GREM2: variants seen among roughly 807,000 people sequenced by gnomAD.
GREM2 encodes gremlin-2.
GREM2 carries 11 observed loss-of-function variants against 14.2 expected under a neutral mutation model. The observed-to-expected ratio is 0.78, with a 90% CI of 0.49 to 1.28. The LOEUF is 1.28. Among genes scored for constraint, GREM2 ranks in the 50% most tolerant of loss-of-function variants. The probability of loss-of-function intolerance (pLI) is 0.00; values close to 1 mark genes in which losing one functional copy is unlikely to be tolerated. For synonymous variants in GREM2, 98 were observed against 97.6 expected (o/e 1.00, Z -0.02); for missense variants, 210 against 218.5 (o/e 0.96, Z 0.24).
At chr1:240,604,231 G>A (rs1168722896) in intron 1 of GREM2, among the ~76,000 whole-genome samples, 2 of 151,860 alleles carry the variant, frequency 1.3e-5, no homozygotes, top group East Asian at 3.9e-4. Flanking sequence ...CCTACCTCCA[G>A]TATTGGGGGT....
intron 1 of GREM2, among the ~76,000 whole-genome samples, chr1:240,544,227 A>G (rs779660791): frequency 2.5e-4 from 37 of 149,366 alleles, no homozygotes; most frequent in Non-Finnish European, 4.7e-4. Flanking sequence ...GGCTCACTGT[A>G]AGTTCCGCCT....
At chr1:240,494,589 G>A (rs574840815) in intron 1 of GREM2, among the ~76,000 whole-genome samples, 2 of 152,174 alleles carry the variant, frequency 1.3e-5, no homozygotes, top group Non-Finnish European at 1.5e-5. Flanking sequence ...ATTCAAATGA[G>A]TCATAAATTA....
chr1:240,557,197 A>C (rs971110280), intron 1 of GREM2, among the ~76,000 whole-genome samples: 1 of 151,502 alleles, frequency 6.6e-6, no homozygotes, highest in African/African-American at 2.4e-5. Flanking sequence ...ATAAATATAA[A>C]AATTAAGATA....
At chr1:240,605,102 G>T (rs1309639888) in intron 1 of GREM2, among the ~76,000 whole-genome samples, 1 of 152,102 alleles carries the variant, frequency 6.6e-6, no homozygotes, top group Admixed American at 6.5e-5. Flanking sequence ...GTGAGGTCCC[G>T]TTCCAGCCAA....
chr1:240,585,154 T>C lies in GREM2; in HGVS notation c.-2+26730A>G, dbSNP rs533478696. Among the ~76,000 whole-genome samples the C allele has an allele frequency of 2.2e-4, 34 of 152,168 alleles. 2 individuals carry two copies. In the South Asian group the frequency reaches 5.4e-3, roughly 24 times the overall value. On this transcript the variant is annotated intron_variant, in intron 1 of 1. Coordinates refer to ENST00000318160, the MANE Select transcript of GREM2 (RefSeq NM_022469.4). ...TTCCTAAGTTTGTAGTGAGAATCAA[T>C]TTAGGCAATGTAGGTAAAAGTGCTT...
At chr1:240,572,883 AAACT>A (rs1472921019) in intron 1 of GREM2, among the ~76,000 whole-genome samples, 1 of 152,218 alleles carries the variant, frequency 6.6e-6, no homozygotes, top group Non-Finnish European at 1.5e-5. Flanking sequence ...AATGCAGCCA[AAACT>A]AACTCTCAAC....
intron 1 of GREM2, among the ~76,000 whole-genome samples, chr1:240,546,047 G>A (rs566202237): frequency 2.0e-5 from 3 of 152,184 alleles, no homozygotes; most frequent in Non-Finnish European, 4.4e-5. Context: ...AGCAGAATTT[G>A]TTGCTGGCCA....
intron 1 of GREM2, among the ~76,000 whole-genome samples, chr1:240,500,313 T>G (rs1398997755): frequency 6.6e-6 from 1 of 152,044 alleles, no homozygotes; most frequent in Non-Finnish European, 1.5e-5. Context: ...TTTTTTTTTT[T>G]TTCCAGACAG....
At chr1:240,561,808 C>T (rs1014991236) in intron 1 of GREM2, among the ~76,000 whole-genome samples, 1 of 151,888 alleles carries the variant, frequency 6.6e-6, no homozygotes, top group Non-Finnish European at 1.5e-5. Context: ...TTATTTAATC[C>T]TCCCAACAAA....
At chr1:240,605,096 G>A (rs1215171997) in intron 1 of GREM2, among the ~76,000 whole-genome samples, 1 of 152,096 alleles carries the variant, frequency 6.6e-6, no homozygotes, top group Non-Finnish European at 1.5e-5. Context: ...CAGAATGTGA[G>A]GTCCCGTTCC....
At chr1:240,504,639 T>C (rs904641333) in intron 1 of GREM2, among the ~76,000 whole-genome samples, 3 of 152,190 alleles carry the variant, frequency 2.0e-5, no homozygotes, top group African/African-American at 7.2e-5. Flanking sequence ...GGGACAATTC[T>C]AAATATTGTT....
At chr1:240,520,495 T>C (rs1317368231) in intron 1 of GREM2, among the ~76,000 whole-genome samples, 1 of 152,196 alleles carries the variant, frequency 6.6e-6, no homozygotes, top group East Asian at 1.9e-4. Flanking sequence ...CATAAAAGTG[T>C]CTTTTTTTCC....
At chr1:240,597,557 A>G (rs1311567855) in intron 1 of GREM2, among the ~76,000 whole-genome samples, 1 of 152,178 alleles carries the variant, frequency 6.6e-6, no homozygotes, top group African/African-American at 2.4e-5. Flanking sequence ...CACCTTTAAT[A>G]TTGAATGTGG....
chr1:240,489,715 G>A lies in GREM2; in HGVS notation c.*3254C>T, dbSNP rs1410995143. ...CATGCAGACATTAATAATCAGTGGTGATAGGTCAATCATTAAATAAGCCTT... is the reference window on the plus strand; with the variant it reads ...CATGCAGACATTAATAATCAGTGGTAATAGGTCAATCATTAAATAAGCCTT... On this transcript the variant is annotated 3_prime_UTR_variant, in exon 2 of 2. Coordinates refer to ENST00000318160, the MANE Select transcript of GREM2 (RefSeq NM_022469.4). 1 of 152,228 alleles carries A rather than the reference G, an allele frequency of 6.6e-6. No homozygotes were observed. The allele number at this position is 152,228 out of a possible 1,614,324, so 9.4% of individuals were successfully genotyped here. A position where few individuals can be genotyped will look rare whatever the true frequency, so the allele number is the denominator to read the frequency against.
At chr1:240,610,520 A>G (rs1198821380) in intron 1 of GREM2, among the ~76,000 whole-genome samples, 1 of 152,178 alleles carries the variant, frequency 6.6e-6, no homozygotes, top group Non-Finnish European at 1.5e-5. Context: ...AAACAAACAA[A>G]CAAAAAAAGG....
At chr1:240,507,522 A>T (rs561492472) in intron 1 of GREM2, among the ~76,000 whole-genome samples, 1 of 152,052 alleles carries the variant, frequency 6.6e-6, no homozygotes, top group African/African-American at 2.4e-5. Context: ...TAGTAGAGAC[A>T]GGGTTTCACC....
intron 1 of GREM2, among the ~76,000 whole-genome samples, chr1:240,602,645 C>T (rs1214260852): frequency 5.9e-5 from 9 of 151,456 alleles, no homozygotes; most frequent in Non-Finnish European, 8.8e-5. Flanking sequence ...GGTGAAACCG[C>T]GTCTCTAATA....
intron 1 of GREM2, among the ~76,000 whole-genome samples, chr1:240,534,282 G>C (rs1049664450): frequency 3.3e-5 from 5 of 152,128 alleles, no homozygotes; most frequent in African/African-American, 1.2e-4. Flanking sequence ...GGAAGGCAGG[G>C]ACAAGGTCAT....
intron 1 of GREM2, among the ~76,000 whole-genome samples, chr1:240,498,831 A>AATAAATCC (rs1677496059): frequency 6.6e-6 from 1 of 152,160 alleles, no homozygotes; most frequent in Admixed American, 6.6e-5. Context: ...GAAACTCATA[A>AATAAATCC]ATAAATCCTG....
Sources: allele counts gnomAD v4.1 joint callset (sites outside exome capture counted in the v4.1 genomes callset), GRCh38; gene constraint gnomAD v4.1.1; transcripts MANE v1.5; gene names NCBI Gene and HGNC (gene_info 2026-07-23, HGNC 2026-07-21).